NPAS3: variants seen among roughly 807,000 people sequenced by gnomAD.
NPAS3 encodes neuronal PAS domain-containing protein 3.
A neutral mutation model predicts 73.1 loss-of-function variants in NPAS3; 14 were observed. The ratio of observed to expected loss-of-function variants is 0.19; its 90% CI spans 0.13 to 0.30. NPAS3 has a LOEUF of 0.30. Among genes scored for constraint, NPAS3 ranks in the 10% least tolerant of loss-of-function variants. NPAS3 has a pLI of 1.00. For synonymous variants in NPAS3, 620 were observed against 541.5 expected, an observed-to-expected ratio of 1.14 and a Z score of -2.01; for missense variants, 1,096 against 1,250.0, an observed-to-expected ratio of 0.88 and a Z score of 1.86.
At chr14:33,649,419 C>T (rs1373074803) in intron 5 of NPAS3, among the ~76,000 whole-genome samples, 1 of 152,208 alleles carries the variant, frequency 6.6e-6, no homozygotes, top group Non-Finnish European at 1.5e-5. Flanking sequence ...CAAAATCTGA[C>T]TTAGTATGTC....
At chr14:33,665,177 A>G (rs1158489333) in intron 5 of NPAS3, among the ~76,000 whole-genome samples, 1 of 152,238 alleles carries the variant, frequency 6.6e-6, no homozygotes, top group Non-Finnish European at 1.5e-5. Flanking sequence ...CTATGCAGCC[A>G]TAAAAAGGAT....
chr14:33,063,663 C>T (rs990481667), intron 2 of NPAS3, among the ~76,000 whole-genome samples: 1 of 152,154 alleles, frequency 6.6e-6, no homozygotes, highest in African/African-American at 2.4e-5. Flanking sequence ...ATAGTAGTGA[C>T]AGAGACCATA....
At chr14:33,081,690 G>A (rs1234089129) in intron 2 of NPAS3, among the ~76,000 whole-genome samples, 1 of 152,158 alleles carries the variant, frequency 6.6e-6, no homozygotes, top group East Asian at 1.9e-4. Flanking sequence ...CTGCTGTCCA[G>A]GATCAGTGAA....
At chr14:33,543,993 A>C (rs1165208335) in intron 4 of NPAS3, among the ~76,000 whole-genome samples, 442 of 59,280 alleles carry the variant, frequency 7.5e-3, no homozygotes, top group Non-Finnish European at 0.011. Context: ...ATATATATAT[A>C]TATATATATC....
intron 3 of NPAS3, among the ~76,000 whole-genome samples, chr14:33,263,353 T>C (rs373362392): frequency 3.9e-5 from 6 of 152,320 alleles, no homozygotes; most frequent in East Asian, 1.9e-4. Flanking sequence ...ACCAGTTTTC[T>C]CAGCACCATT....
At chr14:33,008,111 A>G (rs1370063774) in intron 1 of NPAS3, among the ~76,000 whole-genome samples, 1 of 152,220 alleles carries the variant, frequency 6.6e-6, no homozygotes. Flanking sequence ...AATGCTAAGA[A>G]TGATAGAGAA....
At chr14:33,063,274 A>T (rs1222882651) in intron 2 of NPAS3, among the ~76,000 whole-genome samples, 1 of 152,206 alleles carries the variant, frequency 6.6e-6, no homozygotes, top group African/African-American at 2.4e-5. Flanking sequence ...ACATACATTT[A>T]AAAAAATCCT....
At chr14:33,697,917 A>G (rs1369777289) in intron 6 of NPAS3, among the ~76,000 whole-genome samples, 1 of 152,206 alleles carries the variant, frequency 6.6e-6, no homozygotes. Flanking sequence ...TTTCTCTCAA[A>G]TGGGTCCAAT....
At chr14:33,191,822 A>G (rs2046181460) in intron 2 of NPAS3, among the ~76,000 whole-genome samples, 1 of 152,216 alleles carries the variant, frequency 6.6e-6, no homozygotes, top group Non-Finnish European at 1.5e-5. Flanking sequence ...CAACCATGTT[A>G]TTTTATTTCC....
At chr14:33,388,436 A>G (rs2046861635) in intron 4 of NPAS3, among the ~76,000 whole-genome samples, 1 of 151,844 alleles carries the variant, frequency 6.6e-6, no homozygotes, top group Admixed American at 6.6e-5. Flanking sequence ...CCCCAGGGAA[A>G]TAGGCACTCG....
chr14:32,975,896 T>TGTGTGTGAGAGA (rs374916231), intron 1 of NPAS3, among the ~76,000 whole-genome samples: 3 of 142,200 alleles, frequency 2.1e-5, no homozygotes, highest in Non-Finnish European at 4.6e-5. Context: ...TGTGTGTGTG[T>TGTGTGTGAGAGA]GAGAGAGAGA....
chr14:33,249,907 TACACACACACAC>T lies in NPAS3; in HGVS notation c.385+34500_385+34511del, dbSNP rs369565240. 2.7e-4 allele frequency among the ~76,000 whole-genome samples: 40 copies of T among 147,062 alleles called. No homozygotes were observed. In the East Asian group the frequency reaches 4.8e-3, roughly 18 times the overall value. ...AACGCGTTTGGAAGCAAATCTGTCATACACACACACACACACACACACACACACACCCCTACA... is the reference window on the plus strand; with the variant it reads ...AACGCGTTTGGAAGCAAATCTGTCATACACACACACACACACACCCCTACA... On this transcript the variant is annotated intron_variant, in intron 3 of 11. Transcript: ENST00000356141.
chr14:33,077,774 G>GTTTTTTGTTTTTTTT (rs1555333251), intron 2 of NPAS3, among the ~76,000 whole-genome samples: 1 of 87,470 alleles, frequency 1.1e-5, no homozygotes, highest in Non-Finnish European at 2.3e-5. Context: ...TGCAGTAAGG[G>GTTTTTTGTTTTTTTT]TTTTTTTTTT....
chr14:33,526,498 C>T (rs999952881), intron 4 of NPAS3, among the ~76,000 whole-genome samples: 1 of 151,868 alleles, frequency 6.6e-6, no homozygotes, highest in Admixed American at 6.6e-5. Context: ...ATACTGGGCT[C>T]TTACAGGCTG....
At chr14:33,144,036 T>C (rs184180086) in intron 2 of NPAS3, among the ~76,000 whole-genome samples, 83 of 152,376 alleles carry the variant, frequency 5.4e-4, no homozygotes, top group Admixed American at 5.4e-3. Context: ...CACATGTATT[T>C]GTTTGAGTAT....
chr14:32,937,200 C>A (rs1246809024), upstream of NPAS3, among the ~76,000 whole-genome samples: 3 of 152,062 alleles, frequency 2.0e-5, no homozygotes, highest in African/African-American at 7.2e-5. Context: ...CCTCTGGCAC[C>A]TCAACAGGAT....
At chr14:33,225,372 T>C (rs1385948511) in intron 3 of NPAS3, among the ~76,000 whole-genome samples, 1 of 152,226 alleles carries the variant, frequency 6.6e-6, no homozygotes, top group Non-Finnish European at 1.5e-5. Context: ...TTACATTTTC[T>C]ATTCTTCCAG....
At chr14:33,522,808 T>C (rs1489247815) in intron 4 of NPAS3, among the ~76,000 whole-genome samples, 1 of 152,164 alleles carries the variant, frequency 6.6e-6, no homozygotes, top group African/African-American at 2.4e-5. Flanking sequence ...GTTTTGTGCT[T>C]GCTGAGGTAA....
intron 1 of NPAS3, among the ~76,000 whole-genome samples, chr14:32,950,744 C>T (rs1373444434): frequency 6.6e-6 from 1 of 152,084 alleles, no homozygotes; most frequent in African/African-American, 2.4e-5. Flanking sequence ...ATGATTGAGA[C>T]ATAGCCCTTT....
Sources: allele counts gnomAD v4.1 joint callset (sites outside exome capture counted in the v4.1 genomes callset), GRCh38; gene constraint gnomAD v4.1.1; transcripts MANE v1.5; gene names NCBI Gene and HGNC (gene_info 2026-07-23, HGNC 2026-07-21).